METTL15: variants seen among roughly 807,000 people sequenced by gnomAD.
The protein encoded by METTL15 is methyltransferase 15, mitochondrial 12S rRNA N4-cytidine.
Under a neutral mutation model 38.3 loss-of-function variants are expected in METTL15, and 34 were observed. The observed-to-expected ratio is 0.89, with a 90% CI of 0.68 to 1.18. The LOEUF is 1.18. Among genes scored for constraint, METTL15 ranks in the 50% most tolerant of loss-of-function variants. METTL15 has a pLI of 0.00. For synonymous variants in METTL15, 162 were observed against 170.9 expected, an observed-to-expected ratio of 0.95 and a Z score of 0.41; for missense variants, 438 against 498.4, an observed-to-expected ratio of 0.88 and a Z score of 1.15.
intron 5 of METTL15, among the ~76,000 whole-genome samples, chr11:28,376,423 CCTT>C (rs535280411): frequency 1.9e-3 from 284 of 152,048 alleles, no homozygotes; most frequent in South Asian, 7.1e-3. Flanking sequence ...TATGTAATGG[CCTT>C]CTTTGTCTCT....
chr11:28,263,972 C>T (rs910232632), intron 4 of METTL15, among the ~76,000 whole-genome samples: 1 of 152,062 alleles, frequency 6.6e-6, no homozygotes, highest in Non-Finnish European at 1.5e-5. Flanking sequence ...TTCCATAGGG[C>T]TCAGCCCAAT....
intron 6 of METTL15, among the ~76,000 whole-genome samples, chr11:28,450,787 A>G (rs886946897): frequency 5.9e-5 from 9 of 152,236 alleles, no homozygotes; most frequent in Admixed American, 5.2e-4. Flanking sequence ...TTCAAAGGCA[A>G]TCGTAATCCT....
chr11:28,358,838 C>T (rs188860065), intron 4 of METTL15, among the ~76,000 whole-genome samples: 1 of 152,096 alleles, frequency 6.6e-6, no homozygotes, highest in African/African-American at 2.4e-5. Context: ...AACCAACACC[C>T]CAAAAGCTAA....
At chr11:28,229,556 A>G (rs1052068919) in intron 4 of METTL15, among the ~76,000 whole-genome samples, 1 of 151,902 alleles carries the variant, frequency 6.6e-6, no homozygotes, top group African/African-American at 2.4e-5. Flanking sequence ...TACCCTCACA[A>G]ATGGAATTAA....
intron 4 of METTL15, among the ~76,000 whole-genome samples, chr11:28,221,398 G>T (rs1853213501): frequency 6.6e-6 from 1 of 152,096 alleles, no homozygotes; most frequent in African/African-American, 2.4e-5. Context: ...TCGTGCCATG[G>T]TTTTCAGCTC....
chr11:28,531,359 C>G (rs1377064359), downstream of METTL15, among the ~76,000 whole-genome samples: 2 of 151,980 alleles, frequency 1.3e-5, no homozygotes, highest in Non-Finnish European at 2.9e-5. Flanking sequence ...GCTCTAATTT[C>G]TGCCAATCAT....
chr11:28,373,799 G>A (rs969994740), intron 5 of METTL15, among the ~76,000 whole-genome samples: 1 of 152,104 alleles, frequency 6.6e-6, no homozygotes, highest in African/African-American at 2.4e-5. Flanking sequence ...CTGGTTTTAG[G>A]TCTAACATTT....
chr11:28,125,325 A>G (rs1240774004), intron 3 of METTL15, among the ~76,000 whole-genome samples: 1 of 152,088 alleles, frequency 6.6e-6, no homozygotes, highest in African/African-American at 2.4e-5. Flanking sequence ...TAAGGTAAGT[A>G]TGCCTTCTGA....
intron 6 of METTL15, among the ~76,000 whole-genome samples, chr11:28,518,178 G>A (rs1185574873): frequency 6.6e-6 from 1 of 152,070 alleles, no homozygotes; most frequent in Admixed American, 6.6e-5. Flanking sequence ...TAAAAAAAAA[G>A]CATAAAGAAA....
chr11:28,113,893 G>C (rs1234864861), intron 3 of METTL15, among the ~76,000 whole-genome samples: 2 of 152,074 alleles, frequency 1.3e-5, no homozygotes, highest in Non-Finnish European at 2.9e-5. Flanking sequence ...CTAACTGTAG[G>C]GTAACGTAAG....
chr11:28,425,166 A>G (rs1850853058), intron 6 of METTL15, among the ~76,000 whole-genome samples: 1 of 152,244 alleles, frequency 6.6e-6, no homozygotes, highest in African/African-American at 2.4e-5. Flanking sequence ...AATCTGTTTC[A>G]TGAAGTAGAA....
intron 3 of METTL15, among the ~76,000 whole-genome samples, chr11:28,154,304 G>A (rs1565128427): frequency 1.3e-5 from 2 of 152,044 alleles, no homozygotes; most frequent in South Asian, 2.1e-4. Flanking sequence ...TCACTTGTAC[G>A]ATGTGGATAG....
At chr11:28,286,832 TATGTC>T (rs1565225033) in intron 4 of METTL15, among the ~76,000 whole-genome samples, 1 of 151,800 alleles carries the variant, frequency 6.6e-6, no homozygotes, top group Non-Finnish European at 1.5e-5. Flanking sequence ...CCTGAGATAT[TATGTC>T]TGTCAGGATT....
chr11:28,449,487 T>C (rs1175793434), intron 6 of METTL15, among the ~76,000 whole-genome samples: 2 of 152,230 alleles, frequency 1.3e-5, no homozygotes, highest in South Asian at 2.1e-4. Flanking sequence ...GAAAGTCTGA[T>C]TGAGAGTGGC....
At chr11:28,379,160 A>G (rs1239278092) in intron 5 of METTL15, among the ~76,000 whole-genome samples, 3 of 149,828 alleles carry the variant, frequency 2.0e-5, no homozygotes, top group African/African-American at 4.9e-5. Context: ...TCAGAAAACC[A>G]CCTTTAATTT....
intron 3 of METTL15, chr11:28,145,283 C>T (rs908522625): frequency 6.6e-6 from 1 of 151,628 alleles, no homozygotes; most frequent in Non-Finnish European, 1.5e-5. Context: ...TTTATTGCTA[C>T]CTTCATCTCT....
At chr11:28,220,323 CTTT>C (rs1853138729) in intron 4 of METTL15, among the ~76,000 whole-genome samples, 1 of 152,170 alleles carries the variant, frequency 6.6e-6, no homozygotes, top group South Asian at 2.1e-4. Flanking sequence ...TAATGGGCTT[CTTT>C]GTCTCTTTTG....
chr11:28,475,546 C>A (rs186072331), intron 6 of METTL15, among the ~76,000 whole-genome samples: 63 of 152,190 alleles, frequency 4.1e-4, no homozygotes, highest in African/African-American at 1.5e-3. Flanking sequence ...ATCCTGGTAC[C>A]CTACTTCAGT....
chr11:28,341,546 A>G (rs1849952733), intron 3 of METTL15, among the ~76,000 whole-genome samples: 1 of 152,162 alleles, frequency 6.6e-6, no homozygotes, highest in Non-Finnish European at 1.5e-5. Context: ...TTGCATATAA[A>G]TTTATCTCTA....
Sources: gnomAD v4.1 joint callset for allele counts (sites outside exome capture counted in the v4.1 genomes callset) on GRCh38, gnomAD v4.1.1 for gene constraint, MANE v1.5 for transcripts, NCBI Gene and HGNC (gene_info 2026-07-23, HGNC 2026-07-21) for gene names.